The following ADGRL2 variants were observed in gnomAD, a reference collection of about 807,000 sequenced individuals.
ADGRL2 encodes calcium-independent alpha-latrotoxin receptor 2.
A neutral mutation model predicts 157.4 loss-of-function variants in ADGRL2; 44 were observed. The ratio of observed to expected loss-of-function variants is 0.28; its 90% CI spans 0.22 to 0.36. The LOEUF (loss-of-function observed/expected upper bound fraction) is 0.36, where lower values mean the gene tolerates loss of function less well. Ranked by LOEUF, ADGRL2 falls within the 10% of genes least tolerant of loss-of-function variation. ADGRL2 has a pLI of 1.00. For missense variants in ADGRL2, 1,510 were observed against 1,768.9 expected (o/e 0.85, Z 2.63); for synonymous variants, 585 against 624.7 (o/e 0.94, Z 0.95).
intron 1 of ADGRL2, among the ~76,000 whole-genome samples, chr1:81,367,613 G>GTGATCACTC (rs1261025696): frequency 2.0e-5 from 3 of 152,014 alleles, no homozygotes; most frequent in Admixed American, 6.6e-5. Context: ...AGGCTGGAGC[G>GTGATCACTC]CAATGGCGTG....
intron 3 of ADGRL2, among the ~76,000 whole-genome samples, chr1:81,690,244 G>A (rs1212493027): frequency 6.6e-6 from 1 of 152,200 alleles, no homozygotes; most frequent in African/African-American, 2.4e-5. Flanking sequence ...TGTAATCCCA[G>A]CACTTCAGGA....
chr1:81,405,770 C>G (rs536499415), intron 1 of ADGRL2, among the ~76,000 whole-genome samples: 4 of 152,066 alleles, frequency 2.6e-5, no homozygotes, highest in African/African-American at 9.6e-5. Context: ...GTTGAACAGT[C>G]TCCACACCTC....
At chr1:81,498,369 T>G (rs2147996428) in intron 2 of ADGRL2, among the ~76,000 whole-genome samples, 1 of 152,328 alleles carries the variant, frequency 6.6e-6, no homozygotes, top group African/African-American at 2.4e-5. Context: ...TGAGTAGAAT[T>G]TTTTATTACC....
intron 1 of ADGRL2, among the ~76,000 whole-genome samples, chr1:81,754,407 C>G (rs2085599103): frequency 6.6e-6 from 1 of 151,094 alleles, no homozygotes; most frequent in Non-Finnish European, 1.5e-5. Flanking sequence ...GCGTGAGCCA[C>G]CATGCCCGGC....
intron 1 of ADGRL2, among the ~76,000 whole-genome samples, chr1:81,423,423 T>C (rs921423531): frequency 3.3e-5 from 5 of 152,146 alleles, no homozygotes; most frequent in African/African-American, 7.2e-5. Context: ...TGCTGTCTTG[T>C]CATTGTATTA....
intron 2 of ADGRL2, among the ~76,000 whole-genome samples, chr1:81,842,092 C>A (rs1383117996): frequency 1.3e-5 from 2 of 151,844 alleles, no homozygotes; most frequent in Non-Finnish European, 2.9e-5. Flanking sequence ...CAGCATCACA[C>A]TATAAGAGCC....
Position 81,691,878 on chromosome 1 carries a change from G to GTATA in ADGRL2, c.-142-69932_-142-69931insATAT, listed in dbSNP as rs755115574. On this transcript the variant is annotated intron_variant, in intron 3 of 24. Coordinates refer to the ADGRL2 transcript ENST00000370721. ...TATATATATATATGGGTGTGTGTGT[G>GTATA]TGTATATATATATATATGTATGTGT... 1.1e-3 allele frequency among the ~76,000 whole-genome samples: 133 copies of GTATA among 122,448 alleles called. 2 individuals carry two copies. Among genetic ancestry groups the GTATA allele is most frequent in the African/African-American group, 3.4e-3 (110 of 32,682 alleles). The allele number at this position is 122,448 out of a possible 152,430, so 80.3% of individuals were successfully genotyped here. A position where few individuals can be genotyped will look rare whatever the true frequency, so the allele number is the denominator to read the frequency against.
At chr1:81,533,129 A>G (rs1443884011) in intron 2 of ADGRL2, among the ~76,000 whole-genome samples, 1 of 152,198 alleles carries the variant, frequency 6.6e-6, no homozygotes. Context: ...CTGTAATCCC[A>G]GAACTTTGGG....
At chr1:81,386,834 CAT>C (rs1230729040) in intron 1 of ADGRL2, among the ~76,000 whole-genome samples, 3 of 152,052 alleles carry the variant, frequency 2.0e-5, no homozygotes, top group Admixed American at 6.6e-5. Flanking sequence ...AATGTATTAA[CAT>C]ATGCTGTACC....
intron 10 of ADGRL2, among the ~76,000 whole-genome samples, chr1:81,954,654 C>T (rs12725617): frequency 0.13 from 19,841 of 152,040 alleles, 1,711 homozygotes; most frequent in Middle Eastern, 0.3. Context: ...GTGAGCATTT[C>T]GACTATTCTG....
intron 2 of ADGRL2, among the ~76,000 whole-genome samples, chr1:81,868,498 T>C (rs182565970): frequency 5.4e-4 from 82 of 152,190 alleles, no homozygotes; most frequent in Non-Finnish European, 1.0e-3. Flanking sequence ...GAGCTACCCT[T>C]CGGTAAGCTC....
chr1:81,819,114 A>G (rs889782427), intron 1 of ADGRL2, among the ~76,000 whole-genome samples: 1 of 152,168 alleles, frequency 6.6e-6, no homozygotes, highest in African/African-American at 2.4e-5. Context: ...ATAGCATTCA[A>G]GGTGGTGTAT....
chr1:81,466,532 C>CACTT (rs1557710283), intron 2 of ADGRL2, among the ~76,000 whole-genome samples: 1 of 152,140 alleles, frequency 6.6e-6, no homozygotes, highest in East Asian at 1.9e-4. Flanking sequence ...TTGCTATAAC[C>CACTT]ACTTCTCAGT....
intron 2 of ADGRL2, among the ~76,000 whole-genome samples, chr1:81,545,319 CT>C (rs2079988554): frequency 1.3e-5 from 2 of 149,184 alleles, no homozygotes; most frequent in African/African-American, 4.9e-5. Context: ...CTGATTCTCA[CT>C]CTTTCGCCCA....
At chr1:81,786,848 C>G (rs2087072473) in intron 2 of ADGRL2, among the ~76,000 whole-genome samples, 1 of 152,158 alleles carries the variant, frequency 6.6e-6, no homozygotes, top group Non-Finnish European at 1.5e-5. Flanking sequence ...AGATTGTTTA[C>G]TTCCATTTGT....
intron 2 of ADGRL2, among the ~76,000 whole-genome samples, chr1:81,895,993 T>G (rs985771769): frequency 1.3e-5 from 2 of 152,162 alleles, no homozygotes; most frequent in Non-Finnish European, 2.9e-5. Flanking sequence ...TCTTATTTAA[T>G]TATTTTTAAG....
At position 81,528,646 on chromosome 1, in the gene ADGRL2, C is replaced by CAAAAAAAA. The variant is rs59842382; in HGVS notation, c.-247-52208_-247-52201dup. ...TGGGCAAAAAAGTGAGACTCCATCT[C>CAAAAAAAA]AAAAAAAAAAAAAAAAAAAAAAAAA... On this transcript the variant is annotated intron_variant, in intron 2 of 24. Transcript: ENST00000370721. 4.1e-3 allele frequency among the ~76,000 whole-genome samples: 468 copies of CAAAAAAAA among 114,528 alleles called. 1 individual carries two copies. Among genetic ancestry groups the CAAAAAAAA allele is most frequent in the African/African-American group, 6.8e-3 (180 of 26,414 alleles). 75.1% of individuals were successfully genotyped at this position (114,528 alleles called of 152,430 possible).
At chr1:81,518,485 G>C (rs2079234666) in intron 2 of ADGRL2, among the ~76,000 whole-genome samples, 1 of 152,168 alleles carries the variant, frequency 6.6e-6, no homozygotes, top group Non-Finnish European at 1.5e-5. Context: ...GGAATTGTTG[G>C]CTATGCAGGC....
chr1:81,517,981 A>T (rs1326788576), intron 2 of ADGRL2, among the ~76,000 whole-genome samples: 1 of 152,262 alleles, frequency 6.6e-6, no homozygotes, highest in Admixed American at 6.5e-5. Context: ...CTGGGAGGAA[A>T]GTTAGCACCT....
Sources: gnomAD v4.1 joint callset for allele counts (sites outside exome capture counted in the v4.1 genomes callset) on GRCh38, gnomAD v4.1.1 for gene constraint, MANE v1.5 for transcripts, NCBI Gene and HGNC (gene_info 2026-07-23, HGNC 2026-07-21) for gene names.